The following PPARGC1A variants were observed in gnomAD, a reference collection of about 807,000 sequenced individuals.
PPARGC1A encodes PPARG coactivator 1 alpha.
In PPARGC1A, 25 loss-of-function variants were observed where a neutral mutation model predicts 88.7. The ratio of observed to expected loss-of-function variants is 0.28; its 90% confidence interval spans 0.21 to 0.39. The LOEUF (loss-of-function observed/expected upper bound fraction) is 0.39. Among genes scored for constraint, PPARGC1A ranks in the 10% least tolerant of loss-of-function variants. The pLI, the probability that PPARGC1A is intolerant of heterozygous loss-of-function variation, is 1.00. For synonymous variants in PPARGC1A, 363 were observed against 355.6 expected (o/e 1.02, Z -0.24); for missense variants, 880 against 968.7 (o/e 0.91, Z 1.22).
At chr4:24,059,399 C>T in the PPARGC1A span, among the ~76,000 whole-genome samples, 63 of 152,130 alleles carry the variant, frequency 4.1e-4, 1 homozygote, top group African/African-American at 1.4e-3. Flanking sequence ...CCAAGTGTAC[C>T]GCAGAATGCA....
chr4:23,993,768 G>C, the PPARGC1A span, among the ~76,000 whole-genome samples: 3 of 152,080 alleles, frequency 2.0e-5, no homozygotes, highest in Non-Finnish European at 4.4e-5. Context: ...GAAATCACCA[G>C]GCTATTGGAA....
the PPARGC1A span, among the ~76,000 whole-genome samples, chr4:24,300,310 TTCTATACAATAGCA>T: frequency 1.3e-5 from 2 of 149,772 alleles, no homozygotes; most frequent in African/African-American, 4.9e-5. Flanking sequence ...AATGGTATTT[TTCTATACAATAGCA>T]TTTTTTTTTT....
At chr4:24,054,153 G>C in the PPARGC1A span, among the ~76,000 whole-genome samples, 1 of 152,096 alleles carries the variant, frequency 6.6e-6, no homozygotes. Context: ...CAGCTGTTTG[G>C]GGCACTGGAA....
At chr4:24,210,503 A>G in the PPARGC1A span, among the ~76,000 whole-genome samples, 1 of 152,222 alleles carries the variant, frequency 6.6e-6, no homozygotes, top group Non-Finnish European at 1.5e-5. Context: ...ACAGTGATCT[A>G]TCCAATTAAT....
At chr4:24,141,085 G>A in the PPARGC1A span, among the ~76,000 whole-genome samples, 2 of 152,222 alleles carry the variant, frequency 1.3e-5, no homozygotes, top group East Asian at 3.9e-4. Context: ...TGCACTGGAA[G>A]ATGCTGAGTC....
At chr4:24,282,508 T>C in the PPARGC1A span, among the ~76,000 whole-genome samples, 1 of 152,258 alleles carries the variant, frequency 6.6e-6, no homozygotes, top group African/African-American at 2.4e-5. Flanking sequence ...TCTGATTTCA[T>C]AGGAACCTGT....
the PPARGC1A span, among the ~76,000 whole-genome samples, chr4:24,057,495 A>T: frequency 6.6e-6 from 1 of 151,870 alleles, no homozygotes; most frequent in South Asian, 2.1e-4. Flanking sequence ...AGCCAGCTGA[A>T]GAAAAGGGAA....
chr4:24,452,762 G>A, the PPARGC1A span, among the ~76,000 whole-genome samples: 3 of 152,126 alleles, frequency 2.0e-5, no homozygotes, highest in Admixed American at 6.5e-5. Flanking sequence ...AGTCTAGTGG[G>A]GAGACATAAA....
At chr4:24,162,420 A>T in the PPARGC1A span, among the ~76,000 whole-genome samples, 2 of 152,132 alleles carry the variant, frequency 1.3e-5, no homozygotes, top group Non-Finnish European at 2.9e-5. Context: ...TGATCTGAGT[A>T]TGTACTCCCC....
the PPARGC1A span, among the ~76,000 whole-genome samples, chr4:24,130,905 G>T: frequency 6.6e-6 from 1 of 152,092 alleles, no homozygotes; most frequent in Non-Finnish European, 1.5e-5. Context: ...GAGCCATATG[G>T]TCTGCACTGT....
chr4:24,247,800 A>T, the PPARGC1A span, among the ~76,000 whole-genome samples: 2 of 152,200 alleles, frequency 1.3e-5, no homozygotes, highest in African/African-American at 4.8e-5. Context: ...TCTACAGCCC[A>T]CAAATGAAGA....
upstream of PPARGC1A, among the ~76,000 whole-genome samples, chr4:23,893,585 T>C (rs1218963990): frequency 1.3e-5 from 2 of 152,160 alleles, no homozygotes; most frequent in Non-Finnish European, 1.5e-5. Context: ...CTGCAGCAAG[T>C]TGCTAGTAAA....
intron 12 of PPARGC1A, among the ~76,000 whole-genome samples, chr4:23,797,761 T>C (rs558793454): frequency 2.3e-3 from 344 of 152,306 alleles, no homozygotes; most frequent in African/African-American, 7.1e-3. Context: ...ATTTAATTTC[T>C]GAGGCAATAA....
chr4:24,206,593 A>G, the PPARGC1A span, among the ~76,000 whole-genome samples: 41 of 152,172 alleles, frequency 2.7e-4, no homozygotes, highest in African/African-American at 9.6e-4. Flanking sequence ...GCACTTTGGG[A>G]GGCTGAGGCA....
chr4:23,919,487 C>T, the PPARGC1A span, among the ~76,000 whole-genome samples: 2 of 116,420 alleles, frequency 1.7e-5, no homozygotes, highest in East Asian at 2.2e-4. Flanking sequence ...AGGTATTATG[C>T]CTCAAGGAGG....
At chr4:24,318,545 A>T in the PPARGC1A span, among the ~76,000 whole-genome samples, 2 of 152,380 alleles carry the variant, frequency 1.3e-5, no homozygotes, top group East Asian at 3.9e-4. Context: ...AGCTATAAGC[A>T]TTCCTGCGGA....
chr4:24,324,839 C>T, the PPARGC1A span, among the ~76,000 whole-genome samples: 9 of 152,218 alleles, frequency 5.9e-5, no homozygotes, highest in East Asian at 3.9e-4. Flanking sequence ...CAACCCCAAG[C>T]GTCGCTGAGT....
intron 1 of PPARGC1A, among the ~76,000 whole-genome samples, chr4:23,886,292 C>T (rs1292437938): frequency 6.6e-6 from 1 of 152,164 alleles, no homozygotes; most frequent in African/African-American, 2.4e-5. Context: ...AAGTTTTATG[C>T]AGATTTTCTT....
At chr4:24,195,868 T>A in the PPARGC1A span, among the ~76,000 whole-genome samples, 1 of 152,142 alleles carries the variant, frequency 6.6e-6, no homozygotes, top group African/African-American at 2.4e-5. Context: ...AATAAAGAAA[T>A]ACACTCAAGC....
Sources: gnomAD v4.1 joint callset for allele counts (sites outside exome capture counted in the v4.1 genomes callset) on GRCh38, gnomAD v4.1.1 for gene constraint, MANE v1.5 for transcripts, NCBI Gene and HGNC (gene_info 2026-07-23, HGNC 2026-07-21) for gene names.